CTSL: variants seen among roughly 807,000 people sequenced by gnomAD.
CTSL encodes procathepsin L.
Under a neutral mutation model 34.7 loss-of-function variants are expected in CTSL, and 23 were observed. The ratio of observed to expected loss-of-function variants is 0.66; its 90% CI spans 0.48 to 0.94. The LOEUF (loss-of-function observed/expected upper bound fraction) is 0.94, where lower values mean the gene tolerates loss of function less well. CTSL is among the 40% of genes least tolerant of loss of function. CTSL has a pLI of 0.00. For missense variants in CTSL, 361 were observed against 406.3 expected, an observed-to-expected ratio of 0.89 and a Z score of 0.96; for synonymous variants, 129 against 136.7, an observed-to-expected ratio of 0.94 and a Z score of 0.39.
chr9:87,727,230 T>G (rs1276664666), intron 1 of CTSL, among the ~76,000 whole-genome samples: 7 of 152,118 alleles, frequency 4.6e-5, no homozygotes, highest in South Asian at 2.1e-4. Context: ...GAAACCTGGA[T>G]TTTTTGCGAT....
chr9:87,729,479 A>G, intron 5 of CTSL, 94 bp from the exon 6 acceptor site: 2 of 1,077,774 alleles, frequency 1.9e-6, no homozygotes, highest in East Asian at 4.9e-5. Flanking sequence ...GGAAATACTA[A>G]GCTGCACACT....
chr9:87,728,206 G>C (rs778911351), intron 3 of CTSL, 44 bp from the exon 4 acceptor site: 17 of 1,614,008 alleles, frequency 1.1e-5, no homozygotes, highest in Non-Finnish European at 8.5e-7. Flanking sequence ...TCTTTACTAA[G>C]GTAATCTCTT....
intron 5 of CTSL, among the ~76,000 whole-genome samples, chr9:87,729,245 C>G (rs758611375): frequency 3.3e-5 from 5 of 151,898 alleles, no homozygotes; most frequent in Non-Finnish European, 5.9e-5. Context: ...AAATTATTAG[C>G]CTTTGCACAA....
At chr9:87,727,109 T>G (rs150852227) in intron 1 of CTSL, among the ~76,000 whole-genome samples, 1 of 152,046 alleles carries the variant, frequency 6.6e-6, no homozygotes, top group Non-Finnish European at 1.5e-5. Context: ...TTATCTCAGC[T>G]TTTGGTGTTT....
At chr9:87,729,008 A>T in intron 5 of CTSL, 199 bp downstream of exon 5, 2 of 1,357,282 alleles carry the variant, frequency 1.5e-6, no homozygotes, top group Non-Finnish European at 1.9e-6. Context: ...CAACAAGGTG[A>T]AACCTTGACT....
rs995217250 is a variant in CTSL, at chr9:87,728,281, G to A, written c.281G>A (p.Gly94Asp). The A allele has an allele frequency of 6.2e-7, 1 of 1,613,980 alleles. No homozygotes were observed. The highest frequency in any genetic ancestry group is 8.5e-7 in the Non-Finnish European group (1 of 1,180,026). Reference protein sequence around the residue: ...TSEEFRQVMNGFQNRKPRKGK... With the variant: ...TSEEFRQVMNDFQNRKPRKGK... ...GAAGAATTCAGGCAGGTGATGAATG[G>A]CTTTCAAAACCGTAAGCCCAGGAAG... Residue 94 changes from glycine (G) to aspartate (D), a missense_variant, in exon 4 of 8, where the codon GGC becomes GAC. Physicochemically the swap from Gly to Asp is moderately conservative, Grantham distance 94. Coordinates refer to ENST00000343150, the MANE Select transcript of CTSL (RefSeq NM_001912.5).
chr9:87,729,815 A>G, intron 6 of CTSL, 80 bp downstream of exon 6: 2 of 1,397,888 alleles, frequency 1.4e-6, no homozygotes, highest in South Asian at 1.4e-5. Flanking sequence ...CTGGTTTGCA[A>G]GTAAAGTTCA....
chr9:87,729,876 A>C (rs1257935558), intron 6 of CTSL, 141 bp downstream of exon 6: 1 of 705,798 alleles, frequency 1.4e-6, no homozygotes, highest in Non-Finnish European at 2.2e-6. Flanking sequence ...TGTACATGCA[A>C]TATTTATACC....
chr9:87,727,960 T>G (rs1826090312), intron 2 of CTSL, 67 bp from the exon 3 acceptor site: 1 of 1,600,016 alleles, frequency 6.2e-7, no homozygotes, highest in African/African-American at 1.3e-5. Flanking sequence ...GTCTGCAGAT[T>G]CACTTGGTGA....
Position 87,727,717 on chromosome 9 carries a change from A to T in CTSL, c.114A>T (p.Arg38Ser), listed in dbSNP as rs746046017. Residue 38 changes from arginine (R) to serine (S), a missense_variant, in exon 2 of 8, where the codon AGA becomes AGT. Physicochemically the swap from Arg to Ser is moderately radical, Grantham distance 110 (BLOSUM62 -1). Transcript: ENST00000343150. ...QWTKWKAMHNRLYGMNEEGWR... is the reference protein window; with the variant it reads ...QWTKWKAMHNSLYGMNEEGWR... ...CCAAGTGGAAGGCGATGCACAACAG[A>T]TTATACGGCATGGTTAGTGAAACTT... is the stretch of plus-strand genomic sequence containing the variant. 7.4e-6 allele frequency: 12 copies of T among 1,614,136 alleles called. No homozygotes were observed. Among genetic ancestry groups the T allele is most frequent in the Non-Finnish European group, 1.0e-5 (12 of 1,180,030 alleles).
At chr9:87,730,160 A>T (rs977493662) in intron 6 of CTSL, among the ~76,000 whole-genome samples, 1 of 152,054 alleles carries the variant, frequency 6.6e-6, no homozygotes, top group African/African-American at 2.4e-5. Context: ...TTTTTCCTCT[A>T]GGAAAGCTTT....
At chr9:87,729,503 G>T (rs1564090556) in intron 5 of CTSL, 70 bp from the exon 6 acceptor site, 1 of 1,407,750 alleles carries the variant, frequency 7.1e-7, no homozygotes. Flanking sequence ...GAGTGTTGTG[G>T]TTCTAACTCA....
chr9:87,727,101 A>G (rs1554709950), intron 1 of CTSL, among the ~76,000 whole-genome samples: 1 of 152,104 alleles, frequency 6.6e-6, no homozygotes, highest in Non-Finnish European at 1.5e-5. Context: ...TGGAAAACTT[A>G]TCTCAGCTTT....
Position 87,731,200 on chromosome 9 carries a change from TAC to T in CTSL, c.*98_*99del. On this transcript the variant is annotated 3_prime_UTR_variant, in exon 8 of 8. Transcript: ENST00000343150. ...GTCTACCAGCCCCCGCTGTGTCGGA[TAC>T]ACACTCGAATCATTGAAGATCCGAG... 1 of 822,330 alleles carries T rather than the reference TAC, an allele frequency of 1.2e-6. No homozygotes were observed. The allele number at this position is 822,330 out of a possible 1,614,324, so 50.9% of individuals were successfully genotyped here. A position where few individuals can be genotyped will look rare whatever the true frequency, so the allele number is the denominator to read the frequency against.
chr9:87,726,855 C>G (rs1826019699), intron 1 of CTSL, among the ~76,000 whole-genome samples: 1 of 151,940 alleles, frequency 6.6e-6, no homozygotes, highest in African/African-American at 2.4e-5. Flanking sequence ...CCAGCCTGGC[C>G]AACATGGTGA....
At position 87,729,649 on chromosome 9, in the gene CTSL, A is replaced by T. The variant is rs1467326189; in HGVS notation, c.698A>T (p.Lys233Met). Residue 233 changes from lysine to methionine, a missense_variant, in exon 6 of 8, where the codon AAG becomes ATG. Physicochemically the swap from Lys to Met is moderately conservative, Grantham distance 95 (BLOSUM62 -1). Transcript: ENST00000343150. ...TGFVDIPKQE[K>M]ALMKAVATVG... is the part of the protein sequence containing the mutation. ...TTTGTGGACATCCCTAAGCAGGAGA[A>T]GGCCCTGATGAAGGCAGTTGCAACT... The T allele has an allele frequency of 6.2e-7, 1 of 1,614,184 alleles. No homozygotes were observed. Among genetic ancestry groups the T allele is most frequent in the Non-Finnish European group, 8.5e-7 (1 of 1,180,010 alleles).
At chr9:87,728,957 A>T in intron 5 of CTSL, 148 bp downstream of exon 5, 1 of 1,471,204 alleles carries the variant, frequency 6.8e-7, no homozygotes, top group East Asian at 2.5e-5. Context: ...AGGCTGAGCC[A>T]GGCAGATGGC....
Position 87,729,727 on chromosome 9 carries a change from A to G in CTSL, c.776A>G (p.Tyr259Cys). The G allele has an allele frequency of 6.2e-7, 1 of 1,600,654 alleles. No homozygotes were observed. The highest frequency in any genetic ancestry group is 8.5e-7 in the Non-Finnish European group (1 of 1,175,444). ...IDAGHESFLF[Y>C]KEGIYFEPDC... ...GCAGGTCATGAGTCCTTCCTGTTCT[A>G]TAAAGAAGGTAAGCATATTTTTCTT... Residue 259 changes from tyrosine (Y) to cysteine (C), a missense_variant, in exon 6 of 8, where the codon TAT (tyrosine) becomes TGT (cysteine). Transcript: ENST00000343150.
intron 5 of CTSL, 126 bp downstream of exon 5, chr9:87,728,935 C>CA: frequency 6.6e-7 from 1 of 1,507,926 alleles, no homozygotes; most frequent in Non-Finnish European, 8.9e-7. Flanking sequence ...CCTGTAATCC[C>CA]AGCCCTTTAG....
Sources: gnomAD v4.1 joint callset for allele counts (sites outside exome capture counted in the v4.1 genomes callset) on GRCh38, gnomAD v4.1.1 for gene constraint, MANE v1.5 for transcripts, NCBI Gene and HGNC (gene_info 2026-07-23, HGNC 2026-07-21) for gene names.